Variants in JMJD6 observed in about 807,000 individuals in gnomAD.
JMJD6 encodes bifunctional arginine demethylase and lysyl-hydroxylase JMJD6.
Under a neutral mutation model 45.8 loss-of-function variants are expected in JMJD6, and 17 were observed. The observed-to-expected ratio is 0.37, with a 90% CI of 0.25 to 0.56. The LOEUF (loss-of-function observed/expected upper bound fraction) is 0.56, where lower values mean the gene tolerates loss of function less well. Among genes scored for constraint, JMJD6 ranks in the 20% least tolerant of loss-of-function variants. JMJD6 has a pLI of 0.79. For missense variants in JMJD6, 470 were observed against 517.5 expected (o/e 0.91, Z 0.89); for synonymous variants, 221 against 196.3 (o/e 1.13, Z -1.05).
chr17:76,718,548 T>C lies in JMJD6; in HGVS notation c.*181A>G, dbSNP rs777141252. ...GTAAAACAAGCCGCGTTTATCTGCATTGGTAGCAGAGGGAAAGCTACTGGA... is the reference window on the plus strand; with the variant it reads ...GTAAAACAAGCCGCGTTTATCTGCACTGGTAGCAGAGGGAAAGCTACTGGA... On this transcript the variant is annotated 3_prime_UTR_variant, in exon 6 of 6. Coordinates refer to ENST00000397625, the MANE Select transcript of JMJD6 (RefSeq NM_015167.3). 10 of 1,388,202 alleles carry C rather than the reference T, an allele frequency of 7.2e-6. No homozygotes were observed. Among genetic ancestry groups the C allele is most frequent in the Non-Finnish European group, 9.3e-6 (10 of 1,073,552 alleles). 86.0% of individuals were successfully genotyped at this position (1,388,202 alleles called of 1,614,324 possible). A position where few individuals can be genotyped will look rare whatever the true frequency, so the allele number is the denominator to read the frequency against.
chr17:76,720,961 G>C (rs886968563), intron 4 of JMJD6, among the ~76,000 whole-genome samples: 3 of 152,186 alleles, frequency 2.0e-5, no homozygotes, highest in African/African-American at 7.2e-5. Context: ...AATTAGATTT[G>C]TAAGAAATAC....
Position 76,718,496 on chromosome 17 carries a change from T to C in JMJD6, c.*233A>G, listed in dbSNP as rs959498318. 6.0e-6 allele frequency: 8 copies of C among 1,327,620 alleles called. No homozygotes were observed. The African/African-American group carries it at 1.2e-4, about 20-fold the overall frequency. The allele number at this position is 1,327,620 out of a possible 1,614,324, so 82.2% of individuals were successfully genotyped here. Reference sequence around the variant, plus strand: ...TATTAAATAATGTAAAGGATTTTCTTGGCACTATTCACATTCTCTTGCCTG... The same window carrying C: ...TATTAAATAATGTAAAGGATTTTCTCGGCACTATTCACATTCTCTTGCCTG... On this transcript the variant is annotated 3_prime_UTR_variant, in exon 6 of 6. Coordinates refer to ENST00000397625, the MANE Select transcript of JMJD6 (RefSeq NM_015167.3).
chr17:76,724,126 GT>G, intron 2 of JMJD6, 68 bp from the exon 3 acceptor site: 2 of 1,534,238 alleles, frequency 1.3e-6, no homozygotes, highest in East Asian at 4.5e-5. Context: ...AAAACAATAA[GT>G]TTTTAGTTTT....
chr17:76,725,990 G>A, intron 1 of JMJD6, 135 bp from the exon 2 acceptor site: 2 of 1,183,040 alleles, frequency 1.7e-6, no homozygotes, highest in East Asian at 2.6e-5. Flanking sequence ...CGGGGTGGGG[G>A]CAGGGCGCGT....
chr17:76,723,940 T>C lies in JMJD6; in HGVS notation c.637A>G (p.Thr213Ala), dbSNP rs1448797630. The change falls in exon 3 of 6, where the codon ACT (threonine) becomes GCT (alanine). Residue 213 changes from threonine to alanine, a missense_variant. By Grantham distance (58) the Thr-to-Ala change is moderately conservative. Coordinates refer to ENST00000397625, the MANE Select transcript of JMJD6 (RefSeq NM_015167.3). ...GTCACTTTGATGAGTTCCCTGGGAGTGCTGGTAGGAAACAGGCACCAGCGC... is the reference window on the plus strand; with the variant it reads ...GTCACTTTGATGAGTTCCCTGGGAGCGCTGGTAGGAAACAGGCACCAGCGC... The part of the protein sequence containing the change: ...HKRWCLFPTS[T>A]PRELIKVTRD... 3 of 1,613,982 alleles carry C rather than the reference T, an allele frequency of 1.9e-6. No individual in the cohort carries two copies. Among genetic ancestry groups the C allele is most frequent in the Non-Finnish European group, 1.7e-6 (2 of 1,180,012 alleles).
chr17:76,716,701 G>A (rs200708863), downstream of JMJD6: 553 of 1,614,104 alleles, frequency 3.4e-4, 2 homozygotes, highest in Middle Eastern at 9.9e-4. Context: ...GGTGAGCCCG[G>A]CCTCCACAAG....
At chr17:76,725,436 A>AT in intron 2 of JMJD6, 31 bp downstream of exon 2, 2 of 1,405,896 alleles carry the variant, frequency 1.4e-6, no homozygotes, top group Non-Finnish European at 1.9e-6. Context: ...AAAGAAAAGG[A>AT]TTTTAACCAC....
downstream of JMJD6, chr17:76,714,181 C>T (rs188463189): frequency 1.1e-4 from 16 of 152,270 alleles, no homozygotes; most frequent in Middle Eastern, 6.8e-3. Context: ...ATGGATTCTT[C>T]CAGCTGATGG....
rs767092762 is a variant in JMJD6, at chr17:76,721,892, C to T, written c.847G>A (p.Ala283Thr). 6 of 1,614,000 alleles carry T rather than the reference C, an allele frequency of 3.7e-6. No homozygotes were observed. The highest frequency in any genetic ancestry group is 2.7e-5 in the African/African-American group (2 of 74,888). The change falls in exon 4 of 6, where the codon GCC (alanine) becomes ACC (threonine). Residue 283 changes from alanine to threonine, a missense_variant. Physicochemically the swap from Ala to Thr is moderately conservative, Grantham distance 58. This residue lies in a region of JMJD6 where 58 missense variants were observed against 103.9 expected (regional missense o/e 0.56). Transcript: ENST00000397625. ...CTGCTGGCAAAATTTTGGGTGATGGCGATAGTAGTGTCGAGATTGAGGACA... is the reference window on the plus strand; with the variant it reads ...CTGCTGGCAAAATTTTGGGTGATGGTGATAGTAGTGTCGAGATTGAGGACA... ...HVVLNLDTTI[A>T]ITQNFASSTN...
chr17:76,715,390 T>TG (rs1291887194), downstream of JMJD6: 1 of 152,196 alleles, frequency 6.6e-6, no homozygotes, highest in African/African-American at 2.4e-5. Context: ...ATACTGGGGT[T>TG]GGCATTTGAG....
intron 3 of JMJD6, among the ~76,000 whole-genome samples, 169 bp from the exon 4 acceptor site, chr17:76,722,102 A>C (rs1435652196): frequency 6.6e-6 from 1 of 152,200 alleles, no homozygotes; most frequent in Non-Finnish European, 1.5e-5. Flanking sequence ...GTTTGTGTAA[A>C]TCAAGTTTTA....
chr17:76,725,365 C>G, intron 2 of JMJD6, 102 bp downstream of exon 2: 1 of 1,146,022 alleles, frequency 8.7e-7, no homozygotes. Flanking sequence ...GAGATCGCAC[C>G]ACGGCACTGC....
intron 3 of JMJD6, among the ~76,000 whole-genome samples, chr17:76,723,444 CTTTT>C (rs60972573): frequency 7.3e-6 from 1 of 137,896 alleles, no homozygotes. Flanking sequence ...AATGTACTTT[CTTTT>C]TTTTTTTTTT....
At chr17:76,725,364 C>G (rs1199064452) in intron 2 of JMJD6, 103 bp downstream of exon 2, 28 of 1,147,652 alleles carry the variant, frequency 2.4e-5, no homozygotes, top group Non-Finnish European at 3.2e-5. Flanking sequence ...CGAGATCGCA[C>G]CACGGCACTG....
At chr17:76,713,530 C>T (rs2076743643), downstream of JMJD6, 1 of 152,204 alleles carries the variant, frequency 6.6e-6, no homozygotes, top group African/African-American at 2.4e-5. Context: ...CGCCAGACTC[C>T]ACTTCAAATC....
chr17:76,724,100 T>A (rs890418075), intron 2 of JMJD6, 42 bp from the exon 3 acceptor site: 3 of 1,591,518 alleles, frequency 1.9e-6, no homozygotes, highest in Non-Finnish European at 2.6e-6. Context: ...GTAATTTACT[T>A]ACACACATAC....
rs773108605 is a variant in JMJD6 at position 76,726,359 on chromosome 17, C to A, written c.117G>T (p.Pro39=). 3 of 1,590,412 alleles carry A rather than the reference C, an allele frequency of 1.9e-6. No individual in the cohort carries two copies. Among genetic ancestry groups the A allele is most frequent in the African/African-American group, 1.4e-5 (1 of 72,628 alleles). Reference sequence around the variant, plus strand: ...CCGACCCGCTCACCGCCACGGCCGCCGGGCTCAGCGAGAAGCTCTCGTAGT... The same window carrying A: ...CCGACCCGCTCACCGCCACGGCCGCAGGGCTCAGCGAGAAGCTCTCGTAGT... The part of the protein sequence containing the change: ...HNYYESFSLS[P]AAVADNVERA... The change falls in exon 1 of 6, where the codon CCG becomes CCT. Residue 39 remains proline, a synonymous_variant. Coordinates refer to ENST00000397625, the MANE Select transcript of JMJD6 (RefSeq NM_015167.3).
At chr17:76,714,585 G>A (rs1454771250), downstream of JMJD6, 1 of 152,384 alleles carries the variant, frequency 6.6e-6, no homozygotes, top group East Asian at 1.9e-4. Context: ...CTAGCCCACA[G>A]AGACAGTAAC....
In JMJD6 at chr17:76,712,955, C is replaced by A. The variant is rs1487861448; in HGVS notation, c.*3731G>T. ...GGCAGACCCCATGGCTAGACGGACG[C>A]AGAACTAGGAGACTGCTCAGTGTTC... On this transcript the variant is annotated 3_prime_UTR_variant, in exon 7 of 7. Coordinates refer to the JMJD6 transcript ENST00000445478. The A allele has an allele frequency of 2.6e-5, 4 of 152,328 alleles. No individual in the cohort carries two copies. In the East Asian group the frequency reaches 7.7e-4, roughly 29 times the overall value. 9.4% of individuals were successfully genotyped at this position (152,328 alleles called of 1,614,324 possible).
Sources: allele counts gnomAD v4.1 joint callset (sites outside exome capture counted in the v4.1 genomes callset), GRCh38; gene constraint gnomAD v4.1.1; regional missense constraint gnomAD v4.1.1; transcripts MANE v1.5; gene names NCBI Gene and HGNC (gene_info 2026-07-23, HGNC 2026-07-21).